Variants in CLNK observed in about 807,000 individuals in gnomAD.
The protein encoded by CLNK is cytokine-dependent hematopoietic cell linker.
A neutral mutation model predicts 68.6 loss-of-function variants in CLNK; 74 were observed. That is an observed-to-expected ratio of 1.08 (90% CI 0.89 to 1.31). CLNK has a LOEUF of 1.31. CLNK is among the 50% of genes most tolerant of loss of function. The probability of loss-of-function intolerance (pLI) is 0.00; values close to 1 mark genes in which losing one functional copy is unlikely to be tolerated. For missense variants in CLNK, 553 were observed against 515.3 expected, an observed-to-expected ratio of 1.07 and a Z score of -0.71; for synonymous variants, 198 against 172.2, an observed-to-expected ratio of 1.15 and a Z score of -1.17.
the CLNK span, among the ~76,000 whole-genome samples, chr4:10,704,461 A>ATT: frequency 6.0e-5 from 9 of 150,976 alleles, no homozygotes; most frequent in African/African-American, 1.2e-4. Flanking sequence ...TTTGAAAAAT[A>ATT]TTTTTTTTTT....
At chr4:10,596,608 A>C (rs1157135059) in intron 3 of CLNK, among the ~76,000 whole-genome samples, 1 of 152,232 alleles carries the variant, frequency 6.6e-6, no homozygotes. Context: ...TATATCTCAA[A>C]TAGTTTATAT....
chr4:10,663,309 T>C (rs1724265945), intron 2 of CLNK, among the ~76,000 whole-genome samples: 1 of 152,206 alleles, frequency 6.6e-6, no homozygotes, highest in Non-Finnish European at 1.5e-5. Flanking sequence ...AAAAATAGCC[T>C]GCTAATTTCC....
intron 4 of CLNK, among the ~76,000 whole-genome samples, chr4:10,576,142 G>A (rs1577140843): frequency 6.6e-6 from 1 of 152,294 alleles, no homozygotes; most frequent in Non-Finnish European, 1.5e-5. Context: ...CCGGGAAGCA[G>A]CGATAGAACC....
chr4:10,554,390 G>T (rs1487733694), intron 8 of CLNK, among the ~76,000 whole-genome samples: 1 of 152,208 alleles, frequency 6.6e-6, no homozygotes, highest in Non-Finnish European at 1.5e-5. Flanking sequence ...TTGGGGGATA[G>T]AAATTTTCTG....
At position 10,611,951 on chromosome 4, in the gene CLNK, C is replaced by T. The variant is rs78163852; in HGVS notation, c.12-13902G>A. Reference sequence around the variant, plus strand: ...ACAATCCACTCTCTCCCTACAGCCCCGATTCTGCCCCCAAAGAGCAGCCAT... The same window carrying T: ...ACAATCCACTCTCTCCCTACAGCCCTGATTCTGCCCCCAAAGAGCAGCCAT... On this transcript the variant is annotated intron_variant, in intron 2 of 18. Transcript: ENST00000226951. Among the ~76,000 whole-genome samples, 524 of 152,316 alleles carry T rather than the reference C, an allele frequency of 3.4e-3. 2 individuals carry two copies. The highest frequency in any genetic ancestry group is 0.012 in the African/African-American group (485 of 41,560).
the CLNK span, among the ~76,000 whole-genome samples, chr4:10,714,903 T>A: frequency 6.6e-6 from 1 of 152,256 alleles, no homozygotes; most frequent in East Asian, 1.9e-4. Context: ...GGTAAGAATT[T>A]TTCTTTTTTT....
At chr4:10,691,196 AG>A in the CLNK span, among the ~76,000 whole-genome samples, 1 of 152,144 alleles carries the variant, frequency 6.6e-6, no homozygotes, top group Non-Finnish European at 1.5e-5. Flanking sequence ...CATATATATA[AG>A]TTTTAATATG....
chr4:10,659,006 C>A (rs980989089), intron 2 of CLNK, among the ~76,000 whole-genome samples: 14 of 152,086 alleles, frequency 9.2e-5, no homozygotes, highest in African/African-American at 4.8e-5. Context: ...AGTTTGAGAC[C>A]AACCCAGCCA....
chr4:10,682,849 A>C (rs1725143936), intron 1 of CLNK, among the ~76,000 whole-genome samples: 1 of 152,222 alleles, frequency 6.6e-6, no homozygotes, highest in Non-Finnish European at 1.5e-5. Context: ...ACATAGGGCT[A>C]TACAACTGTG....
chr4:10,511,855 T>C (rs1717597266), intron 16 of CLNK, among the ~76,000 whole-genome samples: 1 of 152,214 alleles, frequency 6.6e-6, no homozygotes, highest in Non-Finnish European at 1.5e-5. Context: ...CTGCTTTCAA[T>C]TCTTTTGGGC....
At chr4:10,518,779 C>T (rs1208913646) in intron 15 of CLNK, among the ~76,000 whole-genome samples, 3 of 152,198 alleles carry the variant, frequency 2.0e-5, no homozygotes, top group South Asian at 2.1e-4. Flanking sequence ...TAATAACGTA[C>T]AACTATGGAG....
At chr4:10,641,074 G>GT (rs1362547642) in intron 2 of CLNK, among the ~76,000 whole-genome samples, 1 of 152,188 alleles carries the variant, frequency 6.6e-6, no homozygotes, top group Admixed American at 6.5e-5. Context: ...CCTTGGGTGT[G>GT]TTTTAGCTGT....
chr4:10,598,409 C>T (rs984935928), intron 2 of CLNK, among the ~76,000 whole-genome samples: 28 of 152,136 alleles, frequency 1.8e-4, no homozygotes, highest in Non-Finnish European at 2.8e-4. Flanking sequence ...TGAAGAATAT[C>T]ATACTTTTGC....
At chr4:10,491,685 G>A (rs1041044643) in intron 18 of CLNK, among the ~76,000 whole-genome samples, 7 of 152,212 alleles carry the variant, frequency 4.6e-5, no homozygotes, top group Non-Finnish European at 8.8e-5. Context: ...TAAGTAGACA[G>A]GAGGGTTTAA....
At chr4:10,568,274 G>A (rs893866628) in intron 5 of CLNK, among the ~76,000 whole-genome samples, 6 of 152,072 alleles carry the variant, frequency 3.9e-5, no homozygotes, top group African/African-American at 1.4e-4. Context: ...ATGAAAGAAG[G>A]GAGTCATATA....
chr4:10,594,364 G>A (rs1189786409), intron 3 of CLNK, among the ~76,000 whole-genome samples: 2 of 152,196 alleles, frequency 1.3e-5, no homozygotes, highest in Non-Finnish European at 2.9e-5. Context: ...AAGCCCAGGG[G>A]CCTCTCCCTC....
At chr4:10,520,651 T>C in intron 15 of CLNK, 140 bp downstream of exon 15, 2 of 604,542 alleles carry the variant, frequency 3.3e-6, no homozygotes, top group Admixed American at 5.6e-5. Flanking sequence ...ATTGTCATAG[T>C]AACGCAATGG....
chr4:10,680,849 C>A (rs915312621), intron 1 of CLNK, among the ~76,000 whole-genome samples: 1 of 152,076 alleles, frequency 6.6e-6, no homozygotes, highest in South Asian at 2.1e-4. Context: ...GACTGGATGG[C>A]GTGGTATAGT....
chr4:10,720,456 T>G, the CLNK span, among the ~76,000 whole-genome samples: 5,894 of 152,022 alleles, frequency 0.039, 165 homozygotes, highest in South Asian at 0.056. Context: ...CGGAAGAGGA[T>G]ACGCAGATGA....
Sources: gnomAD v4.1 joint callset for allele counts (sites outside exome capture counted in the v4.1 genomes callset) on GRCh38, gnomAD v4.1.1 for gene constraint, MANE v1.5 for transcripts, NCBI Gene and HGNC (gene_info 2026-07-23, HGNC 2026-07-21) for gene names.